TP63: variants seen among roughly 807,000 people sequenced by gnomAD.
TP63 encodes the protein tumor protein p63.
TP63 carries 17 observed loss-of-function variants against 82.8 expected under a neutral mutation model. The observed-to-expected ratio is 0.21, with a 90% CI of 0.14 to 0.31. The LOEUF is 0.31. Among genes scored for constraint, TP63 ranks in the 10% least tolerant of loss-of-function variants. The pLI is 1.00. For synonymous variants in TP63, 330 were observed against 321.7 expected, an observed-to-expected ratio of 1.03 and a Z score of -0.28; for missense variants, 648 against 895.3, an observed-to-expected ratio of 0.72 and a Z score of 3.52.
intron 4 of TP63, among the ~76,000 whole-genome samples, chr3:189,843,709 A>C (rs889044083): frequency 6.6e-6 from 1 of 152,174 alleles, no homozygotes. Flanking sequence ...ATGTGGATAC[A>C]GTCTTAAAAT....
At chr3:189,714,367 C>A (rs1718806431) in intron 1 of TP63, among the ~76,000 whole-genome samples, 1 of 152,150 alleles carries the variant, frequency 6.6e-6, no homozygotes, top group Non-Finnish European at 1.5e-5. Context: ...GAAATTATCC[C>A]ATCACATAGT....
intron 3 of TP63, among the ~76,000 whole-genome samples, chr3:189,753,643 TATTTACATC>T (rs1353012121): frequency 6.6e-6 from 1 of 152,108 alleles, no homozygotes; most frequent in Non-Finnish European, 1.5e-5. Flanking sequence ...TTAATTGGTG[TATTTACATC>T]ATTTACATAT....
intron 1 of TP63, among the ~76,000 whole-genome samples, chr3:189,714,823 G>A (rs1053895153): frequency 6.6e-6 from 1 of 152,050 alleles, no homozygotes; most frequent in Admixed American, 6.6e-5. Flanking sequence ...CATATAAAAA[G>A]CATCTCTTTT....
At chr3:189,732,696 A>T (rs1248624326) in intron 1 of TP63, among the ~76,000 whole-genome samples, 1 of 152,240 alleles carries the variant, frequency 6.6e-6, no homozygotes, top group Non-Finnish European at 1.5e-5. Context: ...GCCTCAAAGC[A>T]TGTCATTAGC....
the TP63 span, among the ~76,000 whole-genome samples, chr3:189,606,764 G>A: frequency 2.0e-5 from 3 of 151,892 alleles, no homozygotes; most frequent in Non-Finnish European, 4.4e-5. Context: ...GCCTGACTCG[G>A]CCTCCCAAAG....
At chr3:189,833,240 A>G (rs926977193) in intron 4 of TP63, among the ~76,000 whole-genome samples, 35 of 152,326 alleles carry the variant, frequency 2.3e-4, no homozygotes, top group Middle Eastern at 3.4e-3. Flanking sequence ...AGAAACAGTG[A>G]TGATAGTGAT....
At chr3:189,869,212 A>G in intron 8 of TP63, 112 bp from the exon 9 acceptor site, 2 of 869,478 alleles carry the variant, frequency 2.3e-6, no homozygotes, top group Non-Finnish European at 3.7e-6. Flanking sequence ...CTGTCTTTTT[A>G]ATATGTATAT....
At chr3:189,768,446 G>A (rs943356894) in intron 3 of TP63, among the ~76,000 whole-genome samples, 2 of 151,962 alleles carry the variant, frequency 1.3e-5, no homozygotes, top group African/African-American at 4.8e-5. Context: ...AAAATATCTC[G>A]AATCACAAAC....
At chr3:189,789,878 T>C in intron 3 of TP63, 2 of 1,507,704 alleles carry the variant, frequency 1.3e-6, no homozygotes, top group Non-Finnish European at 1.8e-6. Context: ...CATTTAGAGA[T>C]GCTTTTTAAT....
At chr3:189,621,520 T>G in the TP63 span, among the ~76,000 whole-genome samples, 1 of 151,878 alleles carries the variant, frequency 6.6e-6, no homozygotes, top group East Asian at 1.9e-4. Context: ...ATATTTTATA[T>G]ATAGAGAGAA....
rs558426765 is a variant in TP63 at position 189,759,656 on chromosome 3, A to G, written c.324+20882A>G. Among the ~76,000 whole-genome samples, 31 of 152,332 alleles carry G rather than the reference A, an allele frequency of 2.0e-4. No homozygotes were observed. In the South Asian group the frequency reaches 6.0e-3, roughly 30 times the overall value. ...GGACTCAAAGATTTTCTAATTGGCA[A>G]CTGTTTATTTTAAAACATGGAATCA... On this transcript the variant is annotated intron_variant, in intron 3 of 13. Coordinates refer to ENST00000264731, the MANE Select transcript of TP63 (RefSeq NM_003722.5).
chr3:189,896,345 T>A lies in TP63; in HGVS notation c.*1843T>A, dbSNP rs1373331079. ...CAGAACCACACTTGAAACCTTTTTT[T>A]ATCGTTTTTGTATTTTCATGAAAAT... On this transcript the variant is annotated 3_prime_UTR_variant, in exon 14 of 14. Coordinates refer to ENST00000264731, the MANE Select transcript of TP63 (RefSeq NM_003722.5). The A allele has an allele frequency of 4.8e-6, 1 of 207,936 alleles. No homozygotes were observed. Among genetic ancestry groups the A allele is most frequent in the Non-Finnish European group, 9.8e-6 (1 of 101,768 alleles). The allele number at this position is 207,936 out of a possible 1,614,324, so 12.9% of individuals were successfully genotyped here. A position where few individuals can be genotyped will look rare whatever the true frequency, so the allele number is the denominator to read the frequency against.
intron 4 of TP63, among the ~76,000 whole-genome samples, chr3:189,860,279 A>G (rs1716860916): frequency 6.6e-6 from 1 of 152,194 alleles, no homozygotes; most frequent in Non-Finnish European, 1.5e-5. Context: ...CAAATTTACA[A>G]TTTCTGCTGA....
At chr3:189,885,294 T>C (rs1404401681) in intron 10 of TP63, among the ~76,000 whole-genome samples, 1 of 152,240 alleles carries the variant, frequency 6.6e-6, no homozygotes, top group Non-Finnish European at 1.5e-5. Flanking sequence ...GTTCTCATCA[T>C]AGCCGTATAA....
chr3:189,647,686 C>A (rs1388491238), intron 1 of TP63, among the ~76,000 whole-genome samples: 4 of 146,352 alleles, frequency 2.7e-5, no homozygotes, highest in Admixed American at 2.7e-4. Flanking sequence ...GTGTATGCAG[C>A]CCTTGTAGGA....
upstream of TP63, chr3:189,631,245 G>A (rs576754035): frequency 1.6e-5 from 16 of 985,374 alleles, no homozygotes; most frequent in African/African-American, 1.7e-4. Flanking sequence ...GAGAGAGGGG[G>A]AAGAACAACA....
At chr3:189,597,596 G>A in the TP63 span, among the ~76,000 whole-genome samples, 33 of 152,276 alleles carry the variant, frequency 2.2e-4, no homozygotes, top group African/African-American at 7.0e-4. Context: ...AGATTCATAG[G>A]TGGTTTAGAT....
the TP63 span, among the ~76,000 whole-genome samples, chr3:189,606,676 T>C: frequency 6.6e-6 from 1 of 151,882 alleles, no homozygotes; most frequent in African/African-American, 2.4e-5. Flanking sequence ...GTAATTTTAG[T>C]ACAAAATGAG....
intron 4 of TP63, among the ~76,000 whole-genome samples, chr3:189,834,408 A>T (rs1712815650): frequency 6.6e-6 from 1 of 152,180 alleles, no homozygotes; most frequent in African/African-American, 2.4e-5. Context: ...GAAAACATAG[A>T]TTCTTATGCT....
Sources: allele counts gnomAD v4.1 joint callset (sites outside exome capture counted in the v4.1 genomes callset), GRCh38; gene constraint gnomAD v4.1.1; transcripts MANE v1.5; gene names NCBI Gene and HGNC (gene_info 2026-07-23, HGNC 2026-07-21).